SAV1: variants seen among roughly 807,000 people sequenced by gnomAD.
SAV1 encodes salvador family WW domain containing protein 1, also known as protein salvador homolog 1.
Under a neutral mutation model 47.3 loss-of-function variants are expected in SAV1, and 23 were observed. The ratio of observed to expected loss-of-function variants is 0.49; its 90% CI spans 0.35 to 0.69. The LOEUF (loss-of-function observed/expected upper bound fraction) is 0.69. SAV1 is among the 30% of genes least tolerant of loss of function. The probability of loss-of-function intolerance (pLI) is 0.01; values close to 1 mark genes in which losing one functional copy is unlikely to be tolerated. For missense variants in SAV1, 448 were observed against 457.4 expected, an observed-to-expected ratio of 0.98 and a Z score of 0.19; for synonymous variants, 155 against 159.2, an observed-to-expected ratio of 0.97 and a Z score of 0.20.
At chr14:50,641,349 G>A (rs947525480) in intron 3 of SAV1, among the ~76,000 whole-genome samples, 1 of 151,742 alleles carries the variant, frequency 6.6e-6, no homozygotes, top group African/African-American at 2.4e-5. Flanking sequence ...GAGAACATAT[G>A]GGAGTCAGAG....
Position 50,633,968 on chromosome 14 carries a change from A to G in SAV1, c.*1215T>C. ...CAAAAGGGGAGAAAAACTGGGAGGG[A>G]AATATATGGTGTTAAAGTCCTGTGA... On this transcript the variant is annotated 3_prime_UTR_variant, in exon 5 of 5. Coordinates refer to ENST00000324679, the MANE Select transcript of SAV1 (RefSeq NM_021818.4). The G allele has an allele frequency of 5.2e-6, 1 of 190,958 alleles. No individual in the cohort carries two copies. Among genetic ancestry groups the G allele is most frequent in the Non-Finnish European group, 1.1e-5 (1 of 87,290 alleles). 11.8% of individuals were successfully genotyped at this position (190,958 alleles called of 1,614,324 possible).
chr14:50,645,869 A>G (rs534594344), intron 2 of SAV1, among the ~76,000 whole-genome samples: 25 of 152,324 alleles, frequency 1.6e-4, no homozygotes, highest in African/African-American at 5.1e-4. Flanking sequence ...ATATTTATAT[A>G]TTAACAAACA....
chr14:50,657,633 T>C (rs973368782), intron 2 of SAV1, among the ~76,000 whole-genome samples: 3 of 152,086 alleles, frequency 2.0e-5, no homozygotes, highest in Non-Finnish European at 4.4e-5. Context: ...TGGGAAAAAA[T>C]GGTAACTTCA....
intron 1 of SAV1, among the ~76,000 whole-genome samples, chr14:50,667,033 A>C (rs2039907374): frequency 7.9e-5 from 12 of 152,156 alleles, no homozygotes; most frequent in Admixed American, 6.5e-4. Flanking sequence ...AAACTTAAGC[A>C]AAGGGCCCAG....
rs972267079 is a variant in SAV1 at position 50,645,989 on chromosome 14, C to G, written c.536-975G>C. Reference sequence around the variant, plus strand: ...AAACACTGATGAAAGAAATAAAAAACCTATCACATTAACGGATTGGAAGAT... The same window carrying G: ...AAACACTGATGAAAGAAATAAAAAAGCTATCACATTAACGGATTGGAAGAT... On this transcript the variant is annotated intron_variant, in intron 2 of 4. Coordinates refer to ENST00000324679, the MANE Select transcript of SAV1 (RefSeq NM_021818.4). Among the ~76,000 whole-genome samples the G allele has an allele frequency of 3.3e-5, 5 of 152,030 alleles. No individual in the cohort carries two copies. The South Asian group carries it at 1.0e-3, about 32-fold the overall frequency.
At chr14:50,642,471 A>G (rs142697802) in intron 3 of SAV1, among the ~76,000 whole-genome samples, 1,757 of 151,592 alleles carry the variant, frequency 0.012, 33 homozygotes, top group African/African-American at 0.041. Context: ...CCTTGGCAAC[A>G]AAAGTGAAAC....
chr14:50,637,660 GTCAGTT>G (rs1270430099), intron 4 of SAV1: 1 of 109,042 alleles, frequency 9.2e-6, no homozygotes, highest in African/African-American at 3.8e-5. Context: ...AAACAATTTT[GTCAGTT>G]TTTTTTTTTT....
chr14:50,648,823 G>A (rs540099610), intron 2 of SAV1, among the ~76,000 whole-genome samples: 68 of 151,892 alleles, frequency 4.5e-4, no homozygotes, highest in Non-Finnish European at 8.1e-4. Flanking sequence ...AAATCACCCC[G>A]AAACTCAGTG....
In SAV1 at chr14:50,635,360, T is replaced by C; in HGVS notation, c.975A>G (p.Glu325=). The C allele has an allele frequency of 1.2e-6, 2 of 1,613,928 alleles. No individual in the cohort carries two copies. The highest frequency in any genetic ancestry group is 2.2e-5 in the South Asian group (2 of 91,076). ...PVKYDHILKW[E]LFQLADLDTY... ...TATCCAGGTCAGCCAGCTGGAAGAGTTCCCACTTCAGAATGTGGTCATATC... is the reference window on the plus strand; with the variant it reads ...TATCCAGGTCAGCCAGCTGGAAGAGCTCCCACTTCAGAATGTGGTCATATC... The change falls in exon 5 of 5, where the codon GAA becomes GAG. Residue 325 remains glutamate, a synonymous_variant. Coordinates refer to ENST00000324679, the MANE Select transcript of SAV1 (RefSeq NM_021818.4).
intron 2 of SAV1, chr14:50,664,390 T>TA (rs1474007798): frequency 6.6e-6 from 1 of 152,212 alleles, no homozygotes; most frequent in Non-Finnish European, 1.5e-5. Context: ...TGCCAAAATT[T>TA]AAAGTCTATA....
chr14:50,656,485 C>T (rs1190453762), intron 2 of SAV1, among the ~76,000 whole-genome samples: 2 of 149,016 alleles, frequency 1.3e-5, no homozygotes, highest in African/African-American at 4.9e-5. Context: ...TCTTGTCGCC[C>T]AGGTTGGAGT....
At chr14:50,653,958 A>T (rs1157862670) in intron 2 of SAV1, among the ~76,000 whole-genome samples, 2 of 152,080 alleles carry the variant, frequency 1.3e-5, no homozygotes, top group African/African-American at 2.4e-5. Context: ...AGGTCTTAAT[A>T]AAAAAAATTG....
chr14:50,642,116 C>T (rs1417186512), intron 3 of SAV1, among the ~76,000 whole-genome samples: 1 of 152,102 alleles, frequency 6.6e-6, no homozygotes, highest in African/African-American at 2.4e-5. Flanking sequence ...GAAGAGAAAA[C>T]TAATACCACA....
rs139768444 is a variant in SAV1 at position 50,665,740 on chromosome 14, T to C, written c.95-121A>G. 2.7e-4 allele frequency: 247 copies of C among 924,158 alleles called. 2 individuals are homozygous for C. The East Asian group carries it at 6.5e-3, about 24-fold the overall frequency. The allele number at this position is 924,158 out of a possible 1,614,324, so 57.2% of individuals were successfully genotyped here. On this transcript the variant is annotated intron_variant, in intron 1 of 4. Coordinates refer to ENST00000324679, the MANE Select transcript of SAV1 (RefSeq NM_021818.4). The stretch of plus-strand genomic sequence containing the variant: ...TGTCAGTCAACTTAAGAAAACACAA[T>C]TTTAAATTTTGGTTTAGGATGGTAC...
At chr14:50,660,434 T>C (rs2039849037) in intron 2 of SAV1, among the ~76,000 whole-genome samples, 1 of 152,236 alleles carries the variant, frequency 6.6e-6, no homozygotes, top group African/African-American at 2.4e-5. Context: ...TTCTGCTCTA[T>C]TCGGATAGCA....
intron 2 of SAV1, among the ~76,000 whole-genome samples, chr14:50,650,225 A>G (rs1003219025): frequency 6.6e-6 from 1 of 152,260 alleles, no homozygotes; most frequent in African/African-American, 2.4e-5. Flanking sequence ...TAGTCACTGC[A>G]GCAACATCTA....
At chr14:50,666,646 G>C (rs187463944) in intron 1 of SAV1, among the ~76,000 whole-genome samples, 163 of 152,226 alleles carry the variant, frequency 1.1e-3, no homozygotes, top group Middle Eastern at 6.8e-3. Flanking sequence ...AGAACTTAAA[G>C]TATAATAAAA....
intron 2 of SAV1, among the ~76,000 whole-genome samples, chr14:50,655,812 G>C (rs1006152213): frequency 6.6e-6 from 1 of 152,128 alleles, no homozygotes; most frequent in Non-Finnish European, 1.5e-5. Context: ...CTGGGGGGCC[G>C]AGGTGGGTGG....
chr14:50,666,522 T>C (rs1479268108), intron 1 of SAV1, among the ~76,000 whole-genome samples: 2 of 152,124 alleles, frequency 1.3e-5, no homozygotes, highest in East Asian at 3.8e-4. Context: ...AACAAATATC[T>C]GAATAAATAA....
Sources: allele counts gnomAD v4.1 joint callset (sites outside exome capture counted in the v4.1 genomes callset), GRCh38; gene constraint gnomAD v4.1.1; transcripts MANE v1.5; gene names NCBI Gene and HGNC (gene_info 2026-07-23, HGNC 2026-07-21).